The following BRCA1 variants were observed in gnomAD, a reference collection of about 807,000 sequenced individuals.
BRCA1 encodes the protein breast cancer type 1 susceptibility protein.
A neutral mutation model predicts 173.7 loss-of-function variants in BRCA1; 140 were observed. That is an observed-to-expected ratio of 0.81 (90% CI 0.70 to 0.93). BRCA1 has a LOEUF of 0.93. Among genes scored for constraint, BRCA1 ranks in the 40% least tolerant of loss-of-function variants. The probability of loss-of-function intolerance (pLI) is 0.00; values close to 1 mark genes in which losing one functional copy is unlikely to be tolerated. For missense variants in BRCA1, 1,983 were observed against 2,172.5 expected (o/e 0.91, Z 1.73); for synonymous variants, 662 against 756.0 (o/e 0.88, Z 2.04).
At chr17:43,127,444 G>A (rs2055919477), upstream of BRCA1, among the ~76,000 whole-genome samples, 1 of 151,974 alleles carries the variant, frequency 6.6e-6, no homozygotes. Context: ...ACCAATCAGT[G>A]CTCTGTGTCT....
intron 18 of BRCA1, among the ~76,000 whole-genome samples, chr17:43,057,631 C>T (rs1406963478): frequency 1.3e-5 from 2 of 151,616 alleles, no homozygotes; most frequent in African/African-American, 2.4e-5. Context: ...GTCAGGAGAT[C>T]GAGACCATCC....
intron 6 of BRCA1, among the ~76,000 whole-genome samples, chr17:43,100,658 A>ATTT (rs1567807510): frequency 1.6e-4 from 2 of 12,654 alleles, no homozygotes; most frequent in Admixed American, 1.7e-3. Context: ...TATATATAAC[A>ATTT]TATATATATA....
At chr17:43,147,887 C>T (rs1424868108) in intron 1 of BRCA1, among the ~76,000 whole-genome samples, 1 of 152,156 alleles carries the variant, frequency 6.6e-6, no homozygotes, top group South Asian at 2.1e-4. Context: ...TAGCCTGATG[C>T]CCACTATCAG....
rs145654477 is a variant in BRCA1, at chr17:43,066,220, T to C, written c.5074+1388A>G. Among the ~76,000 whole-genome samples, 393 of 152,302 alleles carry C rather than the reference T, an allele frequency of 2.6e-3. 10 individuals are homozygous for C. The highest frequency in any genetic ancestry group is 0.025 in the Admixed American group (380 of 15,298). ...TAAAAACACCCAGAGGTCTCCTGTA[T>C]TACACAAGTTATAATTAAAACCTTA... On this transcript the variant is annotated intron_variant, in intron 16 of 22. Transcript: ENST00000357654.
chr17:43,045,539 C>A lies in BRCA1; in HGVS notation c.*139G>T, dbSNP rs1332179411. The A allele has an allele frequency of 1.6e-5, 22 of 1,344,348 alleles. No individual in the cohort carries two copies. The East Asian group carries it at 5.5e-4, about 33-fold the overall frequency. 83.3% of individuals were successfully genotyped at this position (1,344,348 alleles called of 1,614,324 possible). ...CCCTTGCATAGCCAGAAGTCCTTTT[C>A]AGGCTGATGTACATAAAATATTTAG... On this transcript the variant is annotated 3_prime_UTR_variant, in exon 23 of 23. Coordinates refer to ENST00000357654, the MANE Select transcript of BRCA1 (RefSeq NM_007294.4).
chr17:43,150,577 G>T (rs1383167709), intron 1 of BRCA1, among the ~76,000 whole-genome samples: 2 of 152,056 alleles, frequency 1.3e-5, no homozygotes, highest in East Asian at 3.9e-4. Flanking sequence ...CCTCTAATTA[G>T]CTGTTTCTCA....
upstream of BRCA1, among the ~76,000 whole-genome samples, chr17:43,127,133 C>T (rs1047738824): frequency 1.2e-4 from 19 of 152,238 alleles, no homozygotes; most frequent in Non-Finnish European, 2.8e-4. Context: ...GTGGCCTGAG[C>T]CTCCCCGACG....
Position 43,091,653 on chromosome 17 carries a change from G to A in BRCA1, c.3878C>T (p.Ala1293Val), listed in dbSNP as rs80357213. ...ACTGCACTGTGAAGAAAACAAGCTA[G>A]CAGAACATTTTGTTTCCTCACTAAG... ...HHLSEETKCS[A>V]SLFSSQCSEL... is the part of the protein sequence containing the mutation. Residue 1293 changes from alanine to valine, a missense_variant, in exon 10 of 23, where the codon GCT (alanine) becomes GTT (valine). By Grantham distance (64) the Ala-to-Val change is moderately conservative (BLOSUM62 0). Transcript: ENST00000357654. The A allele has an allele frequency of 3.7e-6, 6 of 1,614,204 alleles. No homozygotes were observed. The highest frequency in any genetic ancestry group is 5.1e-6 in the Non-Finnish European group (6 of 1,180,024).
Position 43,152,447 on chromosome 17 carries a change from G to A in BRCA1, c.-20+17679C>T, listed in dbSNP as rs188537942. Among the ~76,000 whole-genome samples, 985 of 152,246 alleles carry A rather than the reference G, an allele frequency of 6.5e-3. 4 individuals carry two copies. Among genetic ancestry groups the A allele is most frequent in the Non-Finnish European group, 0.012 (783 of 68,022 alleles). ...ATAAAAGGAGAACTCCAGGCCGGGT[G>A]CAGTGGCTCACACCTGTCATCTCAG... is the stretch of plus-strand genomic sequence containing the variant. On this transcript the variant is annotated intron_variant, in intron 1 of 7. Transcript: ENST00000634433.
chr17:43,139,272 T>G (rs2056055776), intron 1 of BRCA1, among the ~76,000 whole-genome samples: 1 of 151,502 alleles, frequency 6.6e-6, no homozygotes, highest in Non-Finnish European at 1.5e-5. Flanking sequence ...GGGATACATG[T>G]GAACGTTTGT....
chr17:43,070,245 T>C (rs556218466), intron 15 of BRCA1, among the ~76,000 whole-genome samples: 1 of 152,196 alleles, frequency 6.6e-6, no homozygotes, highest in East Asian at 1.9e-4. Context: ...GCAATTATTT[T>C]TATTATGAAG....
chr17:43,143,877 C>T (rs924896307), intron 1 of BRCA1, among the ~76,000 whole-genome samples: 9 of 152,078 alleles, frequency 5.9e-5, no homozygotes, highest in Non-Finnish European at 1.3e-4. Context: ...ATCCCTCCAG[C>T]ACCTCCCTGC....
chr17:43,137,541 A>G (rs1382486287), intron 1 of BRCA1, among the ~76,000 whole-genome samples: 2 of 151,932 alleles, frequency 1.3e-5, no homozygotes, highest in African/African-American at 2.4e-5. Context: ...TTAAAGCAGC[A>G]TACAAGGATG....
In BRCA1 at chr17:43,163,842, G is replaced by A. The variant is rs540518734; in HGVS notation, c.-20+6284C>T. On this transcript the variant is annotated intron_variant, in intron 1 of 7. Transcript: ENST00000634433. ...CTCCCTGTTGTGAGAGACATGAAGT[G>A]AACTTAGTGTTGGGAGATGGAGGAT... is the stretch of plus-strand genomic sequence containing the variant. 71 of 152,400 alleles carry A rather than the reference G, an allele frequency of 4.7e-4. 1 individual carries two copies. Among genetic ancestry groups the A allele is most frequent in the African/African-American group, 1.7e-3 (69 of 41,590 alleles). The allele number at this position is 152,400 out of a possible 1,614,324, so 9.4% of individuals were successfully genotyped here.
rs35561635 is a variant in BRCA1 at position 43,108,706 on chromosome 17, C to CAAAAA, written c.135-2178_135-2174dup. Among the ~76,000 whole-genome samples, 3 of 16,088 alleles carry CAAAAA rather than the reference C, an allele frequency of 1.9e-4. 1 individual carries two copies. The highest frequency in any genetic ancestry group is 4.7e-3 in the East Asian group (2 of 424). 10.6% of individuals were successfully genotyped at this position (16,088 alleles called of 152,430 possible). On this transcript the variant is annotated intron_variant, in intron 3 of 22. Coordinates refer to ENST00000357654, the MANE Select transcript of BRCA1 (RefSeq NM_007294.4). ...TGGGCAACAGAGGAAGACTCTGTCT[C>CAAAAA]AAAAAAAAAAAAAAAAAAAAAAAAA...
At chr17:43,149,188 T>G (rs932316600) in intron 1 of BRCA1, among the ~76,000 whole-genome samples, 7 of 150,610 alleles carry the variant, frequency 4.6e-5, no homozygotes, top group Non-Finnish European at 8.8e-5. Context: ...AAGCTCTGCC[T>G]CCTAGGTTCA....
chr17:43,079,665 G>A (rs1298227196), intron 12 of BRCA1: 4 of 883,356 alleles, frequency 4.5e-6, no homozygotes, highest in Non-Finnish European at 7.8e-6. Flanking sequence ...AAAGAGAAAG[G>A]TACGTGGGTT....
intron 15 of BRCA1, among the ~76,000 whole-genome samples, chr17:43,070,268 CAATT>C (rs937086043): frequency 3.3e-5 from 5 of 151,922 alleles, no homozygotes; most frequent in African/African-American, 1.2e-4. Flanking sequence ...ATGACAATGA[CAATT>C]AATTACAGGG....
At chr17:43,150,528 CTCA>C (rs2056153953) in intron 1 of BRCA1, among the ~76,000 whole-genome samples, 1 of 152,184 alleles carries the variant, frequency 6.6e-6, no homozygotes, top group African/African-American at 2.4e-5. Context: ...ACCCAATGTG[CTCA>C]TGTTTCCCAA....
Sources: allele counts gnomAD v4.1 joint callset (sites outside exome capture counted in the v4.1 genomes callset), GRCh38; gene constraint gnomAD v4.1.1; transcripts MANE v1.5; gene names NCBI Gene and HGNC (gene_info 2026-07-23, HGNC 2026-07-21).